The following C12orf42 variants were observed in gnomAD, a reference collection of about 807,000 sequenced individuals.
C12orf42 encodes the protein uncharacterized protein C12orf42.
In C12orf42, 25 loss-of-function variants were observed where a neutral mutation model predicts 21.6. The ratio of observed to expected loss-of-function variants is 1.16; its 90% CI spans 0.84 to 1.62. The LOEUF (loss-of-function observed/expected upper bound fraction) is 1.62. Ranked by LOEUF, C12orf42 falls within the 40% of genes most tolerant of loss-of-function variation. The pLI, the probability that C12orf42 is intolerant of heterozygous loss-of-function variation, is 0.00. For missense variants in C12orf42, 483 were observed against 459.3 expected (o/e 1.05, Z -0.47); for synonymous variants, 174 against 175.0 (o/e 0.99, Z 0.05).
intron 2 of C12orf42, among the ~76,000 whole-genome samples, chr12:103,428,872 T>A (rs1192700264): frequency 1.4e-5 from 2 of 147,920 alleles, no homozygotes; most frequent in African/African-American, 5.0e-5. Flanking sequence ...AAAAACCACA[T>A]GATGATTTCA....
intron 4 of C12orf42, among the ~76,000 whole-genome samples, chr12:103,333,329 C>G (rs2041409359): frequency 6.6e-6 from 1 of 152,120 alleles, no homozygotes; most frequent in African/African-American, 2.4e-5. Context: ...TACATGAGAT[C>G]ATATGTATAA....
chr12:103,428,219 T>C (rs936441052), intron 2 of C12orf42, among the ~76,000 whole-genome samples: 3 of 152,008 alleles, frequency 2.0e-5, no homozygotes, highest in African/African-American at 7.3e-5. Context: ...GATAGACCAC[T>C]AGCCAGACTA....
At chr12:103,381,316 T>C (rs1039888259) in intron 3 of C12orf42, among the ~76,000 whole-genome samples, 5 of 152,172 alleles carry the variant, frequency 3.3e-5, no homozygotes, top group African/African-American at 9.7e-5. Context: ...GCTGAGCACA[T>C]TGACAGGTTA....
At chr12:103,207,411 C>T in the C12orf42 span, among the ~76,000 whole-genome samples, 1 of 152,222 alleles carries the variant, frequency 6.6e-6, no homozygotes. Flanking sequence ...AGCCACGTTG[C>T]CTTCTTTCCT....
intron 3 of C12orf42, among the ~76,000 whole-genome samples, chr12:103,396,168 G>C (rs1302347008): frequency 6.6e-6 from 1 of 151,868 alleles, no homozygotes; most frequent in Non-Finnish European, 1.5e-5. Context: ...TTGTAATCAG[G>C]GGAGGGACCT....
At chr12:103,171,888 T>C in the C12orf42 span, among the ~76,000 whole-genome samples, 1 of 152,064 alleles carries the variant, frequency 6.6e-6, no homozygotes, top group African/African-American at 2.4e-5. Flanking sequence ...GAACCCAGTG[T>C]CAATGGCACA....
chr12:103,418,404 T>C (rs958528127), intron 2 of C12orf42, among the ~76,000 whole-genome samples: 2 of 152,190 alleles, frequency 1.3e-5, no homozygotes, highest in Admixed American at 6.5e-5. Context: ...TATGGAAGCA[T>C]GGAGCAGGAG....
At chr12:103,441,160 C>G (rs1951216322) in intron 2 of C12orf42, among the ~76,000 whole-genome samples, 1 of 152,090 alleles carries the variant, frequency 6.6e-6, no homozygotes, top group African/African-American at 2.4e-5. Flanking sequence ...ATTTTCCAAA[C>G]AGCCCATGAG....
At chr12:103,101,601 C>T in the C12orf42 span, among the ~76,000 whole-genome samples, 13 of 152,322 alleles carry the variant, frequency 8.5e-5, no homozygotes, top group African/African-American at 3.1e-4. Flanking sequence ...GCTCTGCTAT[C>T]ATCCATGTCT....
chr12:103,324,759 G>T (rs894494318), intron 4 of C12orf42, among the ~76,000 whole-genome samples: 4 of 152,118 alleles, frequency 2.6e-5, no homozygotes, highest in Admixed American at 2.0e-4. Context: ...CTAGGACCAG[G>T]TGATTATGGC....
chr12:103,174,084 G>A, the C12orf42 span, among the ~76,000 whole-genome samples: 4 of 152,194 alleles, frequency 2.6e-5, no homozygotes, highest in Admixed American at 6.5e-5. Context: ...AAATGCTACA[G>A]TTACCATATG....
chr12:103,088,883 C>G, the C12orf42 span, among the ~76,000 whole-genome samples: 5 of 152,072 alleles, frequency 3.3e-5, no homozygotes, highest in African/African-American at 4.8e-5. Context: ...GAGGCCAGAT[C>G]ACGAGGTCAG....
rs140563724 is a variant in C12orf42 at position 103,289,404 on chromosome 12, G to C, written n.338-12194C>G. Among the ~76,000 whole-genome samples, 297 of 152,126 alleles carry C rather than the reference G, an allele frequency of 2.0e-3. 2 individuals are homozygous for C. The highest frequency in any genetic ancestry group is 2.8e-3 in the Non-Finnish European group (188 of 67,974). ...CTTAGGAATATTTTTGGACAGAAAA[G>C]ATACCAAAAGTTAAATCTTGCATGC... On this transcript the variant is annotated intron_variant and non_coding_transcript_variant, in intron 4 of 6. Coordinates refer to the C12orf42 transcript ENST00000546526.
At chr12:103,184,254 G>A in the C12orf42 span, among the ~76,000 whole-genome samples, 1 of 152,116 alleles carries the variant, frequency 6.6e-6, no homozygotes, top group African/African-American at 2.4e-5. Flanking sequence ...TACCTGTTAA[G>A]ATCTTTATGT....
chr12:103,060,088 T>C, the C12orf42 span, among the ~76,000 whole-genome samples: 1 of 152,144 alleles, frequency 6.6e-6, no homozygotes, highest in African/African-American at 2.4e-5. Context: ...TACCCCATCA[T>C]CTCAGCCCCA....
At chr12:103,244,172 C>G (rs1427799159) in intron 10 of C12orf42, among the ~76,000 whole-genome samples, 4 of 152,126 alleles carry the variant, frequency 2.6e-5, no homozygotes, top group Non-Finnish European at 5.9e-5. Context: ...CCTGGATCTT[C>G]TGGACATGAA....
chr12:103,361,045 A>C (rs1023087496), intron 4 of C12orf42, among the ~76,000 whole-genome samples: 11 of 152,126 alleles, frequency 7.2e-5, no homozygotes, highest in African/African-American at 2.7e-4. Context: ...TGCAGCTCTC[A>C]CTGGGACAGA....
At chr12:103,320,033 A>T (rs2039932760) in intron 4 of C12orf42, among the ~76,000 whole-genome samples, 1 of 152,216 alleles carries the variant, frequency 6.6e-6, no homozygotes, top group African/African-American at 2.4e-5. Flanking sequence ...CCGGTATGGC[A>T]CATCCATCAT....
chr12:103,275,669 G>A (rs1197624747), intron 5 of C12orf42, among the ~76,000 whole-genome samples: 1 of 149,528 alleles, frequency 6.7e-6, no homozygotes, highest in African/African-American at 2.5e-5. Flanking sequence ...TAAAATAAGT[G>A]TAAAATCCCA....
Sources: gnomAD v4.1 joint callset for allele counts (sites outside exome capture counted in the v4.1 genomes callset) on GRCh38, gnomAD v4.1.1 for gene constraint, MANE v1.5 for transcripts, NCBI Gene and HGNC (gene_info 2026-07-23, HGNC 2026-07-21) for gene names.